Variants in TBC1D9 observed in about 807,000 individuals in gnomAD.
TBC1D9 encodes the protein TBC1 domain family member 9A.
TBC1D9 carries 63 observed loss-of-function variants against 132.0 expected under a neutral mutation model. The observed-to-expected ratio is 0.48, with a 90% CI of 0.39 to 0.59. The LOEUF (loss-of-function observed/expected upper bound fraction) is 0.59, where lower values mean the gene tolerates loss of function less well. TBC1D9 is among the 20% of genes least tolerant of loss of function. TBC1D9 has a pLI of 0.00. For missense variants in TBC1D9, 1,261 were observed against 1,592.7 expected (o/e 0.79, Z 3.54); for synonymous variants, 610 against 609.9 (o/e 1.00, Z 0.00).
intron 13 of TBC1D9, among the ~76,000 whole-genome samples, chr4:140,647,268 G>T (rs1225322262): frequency 6.6e-6 from 1 of 152,172 alleles, no homozygotes; most frequent in African/African-American, 2.4e-5. Context: ...GCAAACCAAG[G>T]CTTGGAGAGG....
At chr4:140,626,391 C>T (rs1437891005) in intron 18 of TBC1D9, among the ~76,000 whole-genome samples, 2 of 152,164 alleles carry the variant, frequency 1.3e-5, no homozygotes, top group African/African-American at 4.8e-5. Flanking sequence ...AGCTCCTACC[C>T]TCAACTTGTA....
intron 15 of TBC1D9, among the ~76,000 whole-genome samples, chr4:140,635,811 G>A (rs1319132888): frequency 6.6e-6 from 1 of 152,082 alleles, no homozygotes; most frequent in African/African-American, 2.4e-5. Context: ...GCATTCCTGG[G>A]ACTGCATTCC....
At chr4:140,695,734 C>T (rs1737944868) in intron 2 of TBC1D9, among the ~76,000 whole-genome samples, 1 of 152,152 alleles carries the variant, frequency 6.6e-6, no homozygotes, top group African/African-American at 2.4e-5. Context: ...CAACTGAAGG[C>T]CAAGGAAGAC....
At chr4:140,665,850 A>C (rs1737434134) in intron 9 of TBC1D9, among the ~76,000 whole-genome samples, 1 of 151,952 alleles carries the variant, frequency 6.6e-6, no homozygotes, top group African/African-American at 2.4e-5. Flanking sequence ...CTAGTTAAAA[A>C]AAAAATTTTT....
Position 140,622,654 on chromosome 4 carries a change from C to T in TBC1D9, c.3342G>A (p.Pro1114=), listed in dbSNP as rs766541325. 10 of 1,609,798 alleles carry T rather than the reference C, an allele frequency of 6.2e-6. No homozygotes were observed. Among genetic ancestry groups the T allele is most frequent in the Non-Finnish European group, 8.5e-6 (10 of 1,177,598 alleles). The change falls in exon 21 of 21, where the codon CCG becomes CCA. Residue 1114 remains proline, a synonymous_variant. Coordinates refer to ENST00000442267, the MANE Select transcript of TBC1D9 (RefSeq NM_015130.3). ...CCTCGCTGTCGGGGGCCAGGCTGGC[C>T]GGCAGGGGCTCAACAGACTCCACCA... The part of the protein sequence containing the change: ...PYVVESVEPL[P]ASLAPDSEEH...
rs542143272 is a variant in TBC1D9, at chr4:140,690,009, A to G, written c.242-3547T>C. Among the ~76,000 whole-genome samples, 6 of 151,850 alleles carry G rather than the reference A, an allele frequency of 4.0e-5. No individual in the cohort carries two copies. In the East Asian group the frequency reaches 7.9e-4, roughly 20 times the overall value. ...AGTGCTGGGGTTACAGACTTGAGCC[A>G]CAGTGCCTGGCCTGTGTGCTTTATG... On this transcript the variant is annotated intron_variant, in intron 2 of 20. Coordinates refer to ENST00000442267, the MANE Select transcript of TBC1D9 (RefSeq NM_015130.3).
intron 16 of TBC1D9, among the ~76,000 whole-genome samples, chr4:140,630,656 A>G (rs1736780946): frequency 6.6e-6 from 1 of 152,212 alleles, no homozygotes; most frequent in African/African-American, 2.4e-5. Context: ...AGTGGTGAGC[A>G]GCCAAACCTG....
intron 2 of TBC1D9, among the ~76,000 whole-genome samples, chr4:140,687,321 A>ATGTG (rs138113974): frequency 0.2 from 19,477 of 97,590 alleles, 3,398 homozygotes; most frequent in Non-Finnish European, 0.22. Flanking sequence ...ATATATATAT[A>ATGTG]TGTGTGTGTG....
chr4:140,732,920 A>T (rs2111069664), intron 1 of TBC1D9, among the ~76,000 whole-genome samples: 1 of 152,348 alleles, frequency 6.6e-6, no homozygotes, highest in African/African-American at 2.4e-5. Flanking sequence ...TGTACAATAC[A>T]ATCGCCACTA....
chr4:140,729,150 C>A (rs769240371), intron 1 of TBC1D9, among the ~76,000 whole-genome samples: 1 of 152,154 alleles, frequency 6.6e-6, no homozygotes, highest in South Asian at 2.1e-4. Context: ...TAATTGGTTA[C>A]CCTCTCTGAA....
intron 16 of TBC1D9, among the ~76,000 whole-genome samples, chr4:140,629,890 T>G (rs1736765679): frequency 1.3e-5 from 2 of 152,248 alleles, no homozygotes; most frequent in South Asian, 4.1e-4. Context: ...TGTTAAGCCC[T>G]GTGCCAATTA....
At chr4:140,684,953 C>A (rs903095032) in intron 3 of TBC1D9, among the ~76,000 whole-genome samples, 3 of 152,118 alleles carry the variant, frequency 2.0e-5, no homozygotes, top group Admixed American at 2.0e-4. Flanking sequence ...ACACAAACAA[C>A]TGGAAAATAC....
At chr4:140,684,240 T>TAAAAAA (rs5862494) in intron 3 of TBC1D9, among the ~76,000 whole-genome samples, 1 of 130,472 alleles carries the variant, frequency 7.7e-6, no homozygotes. Flanking sequence ...TGTCCCTAAT[T>TAAAAAA]AAAAAAAAAA....
At chr4:140,651,561 G>A (rs1189491949) in intron 13 of TBC1D9, among the ~76,000 whole-genome samples, 1 of 152,162 alleles carries the variant, frequency 6.6e-6, no homozygotes, top group Non-Finnish European at 1.5e-5. Flanking sequence ...TTCTTTTGAG[G>A]TATAAACAAA....
chr4:140,708,959 T>C (rs908051555), intron 1 of TBC1D9, among the ~76,000 whole-genome samples: 6 of 152,266 alleles, frequency 3.9e-5, no homozygotes, highest in South Asian at 4.1e-4. Context: ...CCAATCCCAA[T>C]ACTTGGATAC....
intron 13 of TBC1D9, chr4:140,644,567 C>A (rs1477797438): frequency 4.5e-5 from 14 of 312,334 alleles, no homozygotes; most frequent in Admixed American, 9.8e-5. Flanking sequence ...GGCCCCCAGG[C>A]CCCAGTTGCT....
In TBC1D9 at chr4:140,669,029, G is replaced by A; in HGVS notation, c.1476C>T (p.His492=). Residue 492 remains histidine (H), a synonymous_variant, in exon 9 of 21, where the codon CAC becomes CAT. Coordinates refer to ENST00000442267, the MANE Select transcript of TBC1D9 (RefSeq NM_015130.3). ...EFLKEQAWKI[H]FAEYGQGICM... is the part of the protein sequence containing the mutation. ...AGATCCCTTGCCCATACTCAGCAAA[G>A]TGAATCTTCCAGGCTTGCTCTTTCA... 2 of 1,614,044 alleles carry A rather than the reference G, an allele frequency of 1.2e-6. No homozygotes were observed. Among genetic ancestry groups the A allele is most frequent in the Middle Eastern group, 1.6e-4 (1 of 6,062 alleles).
chr4:140,747,517 A>G (rs2129646), intron 1 of TBC1D9, among the ~76,000 whole-genome samples: 45,021 of 152,130 alleles, frequency 0.3, 6,994 homozygotes, highest in East Asian at 0.57. Context: ...CTATACCAAT[A>G]TCAACTAATC....
At chr4:140,666,679 G>A (rs1334790120) in intron 9 of TBC1D9, among the ~76,000 whole-genome samples, 2 of 151,694 alleles carry the variant, frequency 1.3e-5, no homozygotes, top group Admixed American at 6.6e-5. Flanking sequence ...GGGGTGTTTT[G>A]GGGGGATGAA....
Sources: gnomAD v4.1 joint callset for allele counts (sites outside exome capture counted in the v4.1 genomes callset) on GRCh38, gnomAD v4.1.1 for gene constraint, MANE v1.5 for transcripts, NCBI Gene and HGNC (gene_info 2026-07-23, HGNC 2026-07-21) for gene names.